TSNAXIP1: variants seen among roughly 807,000 people sequenced by gnomAD.
TSNAXIP1 encodes translin associated factor X interacting protein 1.
In TSNAXIP1, 89 loss-of-function variants were observed where a neutral mutation model predicts 84.8. The observed-to-expected ratio is 1.05, with a 90% CI of 0.88 to 1.25. The LOEUF is 1.25. Ranked by LOEUF, TSNAXIP1 falls within the 50% of genes most tolerant of loss-of-function variation. The pLI is 0.00. For synonymous variants in TSNAXIP1, 347 were observed against 335.2 expected, an observed-to-expected ratio of 1.04 and a Z score of -0.39; for missense variants, 874 against 887.6, an observed-to-expected ratio of 0.98 and a Z score of 0.20.
At chr16:67,810,618 T>TA (rs1463395127) in intron 1 of TSNAXIP1, among the ~76,000 whole-genome samples, 3 of 151,866 alleles carry the variant, frequency 2.0e-5, no homozygotes, top group Admixed American at 2.0e-4. Flanking sequence ...GATTACGTCT[T>TA]AAAAAAATAA....
intron 6 of TSNAXIP1, 112 bp from the exon 7 acceptor site, chr16:67,825,025 C>T: frequency 7.1e-7 from 1 of 1,417,492 alleles, no homozygotes; most frequent in Non-Finnish European, 9.5e-7. Flanking sequence ...TTCACCTTTC[C>T]TGTTCACAGT....
chr16:67,820,819 C>T lies in TSNAXIP1; in HGVS notation c.148-20C>T, dbSNP rs773729532. On this transcript the variant is annotated intron_variant, in intron 2 of 15. Coordinates refer to ENST00000561639, the MANE Select transcript of TSNAXIP1 (RefSeq NM_001288990.3). The stretch of plus-strand genomic sequence containing the variant: ...GGGGAGCAATGTTGCCATGGCAACC[C>T]CACCTGTACCTCCCTGCAGACTGGT... The T allele has an allele frequency of 4.0e-6, 6 of 1,490,892 alleles. No individual in the cohort carries two copies. Among genetic ancestry groups the T allele is most frequent in the Non-Finnish European group, 5.4e-6 (6 of 1,114,356 alleles). The allele number at this position is 1,490,892 out of a possible 1,614,324, so 92.4% of individuals were successfully genotyped here.
At chr16:67,814,736 C>T (rs907093216) in intron 2 of TSNAXIP1, among the ~76,000 whole-genome samples, 2 of 152,182 alleles carry the variant, frequency 1.3e-5, no homozygotes, top group Admixed American at 1.3e-4. Context: ...CGCCAACACA[C>T]CAGGCACTGT....
intron 2 of TSNAXIP1, among the ~76,000 whole-genome samples, chr16:67,815,517 G>A (rs1237290251): frequency 6.6e-6 from 1 of 151,806 alleles, no homozygotes; most frequent in South Asian, 2.1e-4. Context: ...TTTGGCAGGG[G>A]GGGACAGAGT....
Position 67,819,815 on chromosome 16 carries a change from A to ATTTTTTTTTTTTTTTTTTTTTT in TSNAXIP1, c.148-1023_148-1002dup, listed in dbSNP as rs1162375778. 1.3e-4 allele frequency among the ~76,000 whole-genome samples: 13 copies of ATTTTTTTTTTTTTTTTTTTTTT among 102,638 alleles called. 1 individual carries two copies. The highest frequency in any genetic ancestry group is 6.6e-4 in the South Asian group (2 of 3,038). The allele number at this position is 102,638 out of a possible 152,430, so 67.3% of individuals were successfully genotyped here. The stretch of plus-strand genomic sequence containing the variant: ...AGCACATGCCACCACACCTGGCTAA[A>ATTTTTTTTTTTTTTTTTTTTTT]TTTTTTTTTTTTTTTTTTTTTTGAG... On this transcript the variant is annotated intron_variant, in intron 2 of 15. Transcript: ENST00000561639.
intron 1 of TSNAXIP1, 108 bp from the exon 2 acceptor site, chr16:67,814,194 G>A (rs2056353615): frequency 1.1e-5 from 10 of 880,532 alleles, no homozygotes; most frequent in Admixed American, 2.3e-5. Context: ...GCAGCACCCA[G>A]AGCCTGGCTC....
In TSNAXIP1 at chr16:67,807,051, C is replaced by T; in HGVS notation, c.-99C>T. 1.3e-6 allele frequency: 2 copies of T among 1,485,792 alleles called. No individual in the cohort carries two copies. The highest frequency in any genetic ancestry group is 1.8e-6 in the Non-Finnish European group (2 of 1,121,816). The allele number at this position is 1,485,792 out of a possible 1,614,324, so 92.0% of individuals were successfully genotyped here. ...GGCGCATCCCTGACTCCGCCCCCGCCGCGGGGGGGCCTCTGGGGCCTGGTC... is the reference window on the plus strand; with the variant it reads ...GGCGCATCCCTGACTCCGCCCCCGCTGCGGGGGGGCCTCTGGGGCCTGGTC... On this transcript the variant is annotated 5_prime_UTR_variant, in exon 1 of 16. Coordinates refer to ENST00000561639, the MANE Select transcript of TSNAXIP1 (RefSeq NM_001288990.3).
In TSNAXIP1 at chr16:67,825,292, C is replaced by T. The variant is rs1008461707; in HGVS notation, c.814+20C>T. On this transcript the variant is annotated intron_variant, in intron 7 of 15. Transcript: ENST00000561639. ...CGCCAGGTAAGCCTGAATTGGGAATCGGGTTTCTCTCTTCTCTGAGACGCT... is the reference window on the plus strand; with the variant it reads ...CGCCAGGTAAGCCTGAATTGGGAATTGGGTTTCTCTCTTCTCTGAGACGCT... The T allele has an allele frequency of 2.2e-5, 36 of 1,613,120 alleles. No individual in the cohort carries two copies. The highest frequency in any genetic ancestry group is 2.0e-4 in the African/African-American group (15 of 74,914).
intron 4 of TSNAXIP1, 101 bp downstream of exon 4, chr16:67,821,326 T>C (rs2057036561): frequency 2.7e-6 from 4 of 1,465,772 alleles, no homozygotes; most frequent in Non-Finnish European, 3.7e-6. Flanking sequence ...TCTCAGCACT[T>C]TGGGAGGCCA....
chr16:67,821,701 C>CCAGTGAGG (rs1238567875), intron 4 of TSNAXIP1, among the ~76,000 whole-genome samples: 1 of 149,272 alleles, frequency 6.7e-6, no homozygotes, highest in Non-Finnish European at 1.5e-5. Context: ...CATGAAAATG[C>CCAGTGAGG]CAGTGAGGCC....
In TSNAXIP1 at chr16:67,827,058, C is replaced by T; in HGVS notation, c.1650C>T (p.Thr550=). The change falls in exon 13 of 16, where the codon ACC becomes ACT. Residue 550 remains threonine (T), a synonymous_variant. Transcript: ENST00000561639. The stretch of plus-strand genomic sequence containing the variant: ...ACAGTCAGAACGAGGGGCTACTAAC[C>T]ATGGAGCAGTTCAAGTGAGAGGCCA... ...NADSQNEGLL[T]MEQFNTVLKS... 6.2e-7 allele frequency: 1 copy of T among 1,614,048 alleles called. No homozygotes were observed. Among genetic ancestry groups the T allele is most frequent in the East Asian group, 2.2e-5 (1 of 44,882 alleles).
At position 67,806,969 on chromosome 16, in the gene TSNAXIP1, G is replaced by C. The variant is rs766687947; in HGVS notation, c.-181G>C. The C allele has an allele frequency of 2.4e-5, 23 of 977,550 alleles. No homozygotes were observed. The highest frequency in any genetic ancestry group is 3.4e-5 in the Non-Finnish European group (23 of 682,884). 60.6% of individuals were successfully genotyped at this position (977,550 alleles called of 1,614,324 possible). A position where few individuals can be genotyped will look rare whatever the true frequency, so the allele number is the denominator to read the frequency against. On this transcript the variant is annotated 5_prime_UTR_variant, in exon 1 of 16. Coordinates refer to ENST00000561639, the MANE Select transcript of TSNAXIP1 (RefSeq NM_001288990.3). ...TCAGGGCACCCGCTGCCGGGTCCCA[G>C]TCCACCTTTGCTACTTTGTCCTACT...
chr16:67,821,201 T>C lies in TSNAXIP1; in HGVS notation c.363T>C (p.Asp121=), dbSNP rs2057023277. 3 of 1,607,864 alleles carry C rather than the reference T, an allele frequency of 1.9e-6. No homozygotes were observed. The Admixed American group carries it at 5.1e-5, about 27-fold the overall frequency. ...TCCTCCTGCTGGACCTGGGCACAGA[T>C]TCCACCCAGGAACTAAGGCTGCAGG... ...KELLLLDLGT[D]STQELRLQPY... The change falls in exon 4 of 16, where the codon GAT becomes GAC. Residue 121 remains aspartate, a synonymous_variant. Coordinates refer to ENST00000561639, the MANE Select transcript of TSNAXIP1 (RefSeq NM_001288990.3).
chr16:67,819,740 C>T (rs963161022), intron 2 of TSNAXIP1, among the ~76,000 whole-genome samples: 3 of 150,976 alleles, frequency 2.0e-5, no homozygotes, highest in South Asian at 2.1e-4. Flanking sequence ...CTCCGCTTCC[C>T]GGGTTCAAGG....
At chr16:67,821,009 G>A (rs906956799) in intron 3 of TSNAXIP1, 58 bp downstream of exon 3, 12 of 1,592,480 alleles carry the variant, frequency 7.5e-6, no homozygotes, top group Non-Finnish European at 1.0e-5. Context: ...TTTGGGCCAG[G>A]AGACAGGGCA....
chr16:67,825,539 C>A, intron 7 of TSNAXIP1, 128 bp from the exon 8 acceptor site: 1 of 1,355,566 alleles, frequency 7.4e-7, no homozygotes. Context: ...TAGACTTTAG[C>A]CTGAAACCCT....
At chr16:67,807,317 G>A in intron 1 of TSNAXIP1, 121 bp downstream of exon 1, 3 of 1,534,368 alleles carry the variant, frequency 2.0e-6, no homozygotes, top group Non-Finnish European at 2.6e-6. Flanking sequence ...TAGGGCTCCA[G>A]CACCACAGAG....
chr16:67,816,608 C>T (rs1401737852), intron 2 of TSNAXIP1, among the ~76,000 whole-genome samples: 2 of 152,148 alleles, frequency 1.3e-5, no homozygotes, highest in African/African-American at 4.8e-5. Context: ...TAGGGGAGAG[C>T]TCTGAGGCTC....
chr16:67,816,241 A>G (rs2151214480), intron 2 of TSNAXIP1, among the ~76,000 whole-genome samples: 1 of 152,218 alleles, frequency 6.6e-6, no homozygotes, highest in South Asian at 2.1e-4. Context: ...TGCTGGGATT[A>G]CAGGCGTGAG....
Sources: gnomAD v4.1 joint callset for allele counts (sites outside exome capture counted in the v4.1 genomes callset) on GRCh38, gnomAD v4.1.1 for gene constraint, MANE v1.5 for transcripts, NCBI Gene and HGNC (gene_info 2026-07-23, HGNC 2026-07-21) for gene names.